The following SHISA9 variants were observed in gnomAD, a reference collection of about 807,000 sequenced individuals.
SHISA9 encodes shisa family member 9, also known as protein shisa-9.
In SHISA9, 13 loss-of-function variants were observed where a neutral mutation model predicts 38.0. The observed-to-expected ratio is 0.34, with a 90% CI of 0.22 to 0.54. SHISA9 has a LOEUF of 0.54. Among genes scored for constraint, SHISA9 ranks in the 20% least tolerant of loss-of-function variants. SHISA9 has a pLI of 0.91. For synonymous variants in SHISA9, 275 were observed against 242.0 expected (o/e 1.14, Z -1.27); for missense variants, 538 against 575.8 (o/e 0.93, Z 0.67).
intron 2 of SHISA9, among the ~76,000 whole-genome samples, chr16:13,012,853 A>G (rs971990131): frequency 2.2e-4 from 33 of 152,268 alleles, no homozygotes; most frequent in African/African-American, 7.9e-4. Flanking sequence ...AGCCACGGCC[A>G]GACAGGGAGG....
the SHISA9 span, among the ~76,000 whole-genome samples, chr16:13,267,088 G>A: frequency 1.3e-5 from 2 of 152,182 alleles, no homozygotes; most frequent in Non-Finnish European, 2.9e-5. Flanking sequence ...GTAGTTGATT[G>A]TATTTTTAAA....
chr16:13,468,746 A>T, the SHISA9 span, among the ~76,000 whole-genome samples: 45,861 of 150,260 alleles, frequency 0.31, 7,162 homozygotes, highest in East Asian at 0.39. Context: ...GGAGGCTGAG[A>T]TGGGAGGATT....
the SHISA9 span, among the ~76,000 whole-genome samples, chr16:13,551,657 G>C: frequency 2.0e-5 from 3 of 152,148 alleles, no homozygotes; most frequent in East Asian, 5.8e-4. Flanking sequence ...CACACAGCAG[G>C]CAGACACAAT....
intron 2 of SHISA9, among the ~76,000 whole-genome samples, chr16:12,995,639 T>C (rs2072448757): frequency 6.6e-6 from 1 of 152,148 alleles, no homozygotes; most frequent in Non-Finnish European, 1.5e-5. Flanking sequence ...TTCCCACTGT[T>C]AAGGTCCCTA....
chr16:13,044,193 C>T (rs932624163), intron 2 of SHISA9, among the ~76,000 whole-genome samples: 3 of 152,086 alleles, frequency 2.0e-5, no homozygotes, highest in Non-Finnish European at 4.4e-5. Context: ...ATTTCAGACA[C>T]GCAAATGTAG....
the SHISA9 span, among the ~76,000 whole-genome samples, chr16:13,253,831 T>C: frequency 6.6e-6 from 1 of 152,088 alleles, no homozygotes; most frequent in African/African-American, 2.4e-5. Context: ...GGTCAAAAGG[T>C]GACACATTTC....
At chr16:13,092,959 C>A (rs186063256) in intron 2 of SHISA9, among the ~76,000 whole-genome samples, 1 of 152,094 alleles carries the variant, frequency 6.6e-6, no homozygotes, top group South Asian at 2.1e-4. Flanking sequence ...CTTGGAAAGC[C>A]GTAATTGAGA....
intron 4 of SHISA9, among the ~76,000 whole-genome samples, chr16:13,232,837 T>C (rs748550157): frequency 1.3e-5 from 2 of 152,164 alleles, no homozygotes; most frequent in Non-Finnish European, 2.9e-5. Context: ...TCTTTTGAAG[T>C]CTTATAGTGG....
the SHISA9 span, among the ~76,000 whole-genome samples, chr16:13,496,260 G>A: frequency 6.6e-6 from 1 of 152,006 alleles, no homozygotes; most frequent in African/African-American, 2.4e-5. Context: ...ATCAAGTTTT[G>A]AGAAGGAAAG....
chr16:13,050,018 C>G (rs2073232599), intron 2 of SHISA9, among the ~76,000 whole-genome samples: 1 of 152,136 alleles, frequency 6.6e-6, no homozygotes, highest in Non-Finnish European at 1.5e-5. Flanking sequence ...AAGAAATCAT[C>G]TTGGAGGTGT....
the SHISA9 span, among the ~76,000 whole-genome samples, chr16:13,518,984 G>C: frequency 2.0e-5 from 3 of 152,136 alleles, no homozygotes; most frequent in Non-Finnish European, 4.4e-5. Flanking sequence ...GCACTCATGG[G>C]CTGATCGCCT....
the SHISA9 span, among the ~76,000 whole-genome samples, chr16:13,417,757 G>A: frequency 6.6e-6 from 1 of 152,194 alleles, no homozygotes; most frequent in South Asian, 2.1e-4. Flanking sequence ...CCCTGCTCAA[G>A]GAACAGCTCA....
chr16:13,064,042 C>A (rs1226095687), intron 2 of SHISA9, among the ~76,000 whole-genome samples: 1 of 152,116 alleles, frequency 6.6e-6, no homozygotes, highest in Non-Finnish European at 1.5e-5. Context: ...GTGTTTGGAC[C>A]CACATTATTG....
At chr16:13,336,307 C>T in the SHISA9 span, among the ~76,000 whole-genome samples, 1 of 152,146 alleles carries the variant, frequency 6.6e-6, no homozygotes, top group Non-Finnish European at 1.5e-5. Context: ...GATCTTGGAT[C>T]GTAGAGGAAT....
intron 2 of SHISA9, among the ~76,000 whole-genome samples, chr16:12,935,879 A>T (rs2071525412): frequency 6.6e-6 from 1 of 150,600 alleles, no homozygotes; most frequent in Non-Finnish European, 1.5e-5. Flanking sequence ...GAAGGGACAT[A>T]TGAGATGGAG....
chr16:13,294,839 A>C, the SHISA9 span, among the ~76,000 whole-genome samples: 1 of 152,298 alleles, frequency 6.6e-6, no homozygotes, highest in South Asian at 2.1e-4. Flanking sequence ...ATTGTGTCCT[A>C]TCTAGAGTGA....
At chr16:13,353,162 G>A in the SHISA9 span, among the ~76,000 whole-genome samples, 1 of 152,162 alleles carries the variant, frequency 6.6e-6, no homozygotes, top group East Asian at 1.9e-4. Context: ...TGGGAACCTA[G>A]AGTGGGAGAG....
chr16:13,361,306 A>T, the SHISA9 span, among the ~76,000 whole-genome samples: 1 of 152,172 alleles, frequency 6.6e-6, no homozygotes, highest in Non-Finnish European at 1.5e-5. Flanking sequence ...AGCGTCATCC[A>T]TTTCAATTAA....
intron 2 of SHISA9, among the ~76,000 whole-genome samples, chr16:12,989,015 G>A (rs1027014660): frequency 1.3e-5 from 2 of 152,074 alleles, no homozygotes; most frequent in African/African-American, 4.8e-5. Context: ...TTTTGTAGAT[G>A]GAGCCACAGC....
Sources: allele counts gnomAD v4.1 joint callset (sites outside exome capture counted in the v4.1 genomes callset), GRCh38; gene constraint gnomAD v4.1.1; transcripts MANE v1.5; gene names NCBI Gene and HGNC (gene_info 2026-07-23, HGNC 2026-07-21).